ADGRG1: variants seen among roughly 807,000 people sequenced by gnomAD.
The protein encoded by ADGRG1 is adhesion G protein-coupled receptor G1.
In ADGRG1, 53 loss-of-function variants were observed where a neutral mutation model predicts 73.5. The ratio of observed to expected loss-of-function variants is 0.72; its 90% CI spans 0.58 to 0.91. ADGRG1 has a LOEUF of 0.91. ADGRG1 is among the 40% of genes least tolerant of loss of function. ADGRG1 has a pLI of 0.00. For synonymous variants in ADGRG1, 394 were observed against 374.4 expected (o/e 1.05, Z -0.60); for missense variants, 795 against 871.8 (o/e 0.91, Z 1.11).
chr16:57,657,210 C>A, intron 9 of ADGRG1, 163 bp from the exon 10 acceptor site: 1 of 466,362 alleles, frequency 2.1e-6, no homozygotes, highest in Non-Finnish European at 2.8e-6. Context: ...TGCCCCCACT[C>A]CAGAAAAATG....
chr16:57,639,442 T>G (rs1597241270), intron 1 of ADGRG1: 1 of 985,460 alleles, frequency 1.0e-6, no homozygotes, highest in Non-Finnish European at 1.2e-6. Flanking sequence ...CGCTGGCGGC[T>G]GGGGCTTCTC....
At chr16:57,654,410 C>T (rs1206107154) in intron 5 of ADGRG1, among the ~76,000 whole-genome samples, 2 of 25,684 alleles carry the variant, frequency 7.8e-5, no homozygotes, top group Non-Finnish European at 6.8e-5. Context: ...TGTCCACGCA[C>T]CCCCCCCCCC....
chr16:57,662,419 GC>G (rs1275718585), intron 13 of ADGRG1, among the ~76,000 whole-genome samples: 6 of 151,328 alleles, frequency 4.0e-5, no homozygotes, highest in Admixed American at 1.3e-4. Context: ...AGATGGGGGG[GC>G]CTCCCTACTC....
At chr16:57,661,215 G>T (rs1341051675) in intron 12 of ADGRG1, 3 of 877,878 alleles carry the variant, frequency 3.4e-6, no homozygotes, top group East Asian at 2.4e-4. Context: ...GAAGACAGAG[G>T]CTCAGGGAGG....
At chr16:57,635,336 A>G in intron 1 of ADGRG1, 2 of 985,272 alleles carry the variant, frequency 2.0e-6, no homozygotes, top group Non-Finnish European at 2.4e-6. Context: ...CTGTGTGCAC[A>G]CCTAGGGGAC....
intron 1 of ADGRG1, chr16:57,642,371 C>G (rs2041059411): frequency 1.0e-6 from 1 of 985,332 alleles, no homozygotes; most frequent in Non-Finnish European, 1.2e-6. Flanking sequence ...AGTGTCTCCT[C>G]TAGCTCATCT....
chr16:57,647,804 GGTCCCTTGTGTGT>G, intron 1 of ADGRG1: 1 of 978,258 alleles, frequency 1.0e-6, no homozygotes, highest in South Asian at 4.7e-5. Context: ...AGGGACAGTT[GGTCCCTTGTGTGT>G]GTCTGGATTT....
chr16:57,656,474 G>A (rs765683235), intron 8 of ADGRG1, 40 bp from the exon 9 acceptor site: 2 of 1,585,604 alleles, frequency 1.3e-6, no homozygotes, highest in Admixed American at 1.7e-5. Flanking sequence ...GGTCCTGGAG[G>A]ACTGGACTTG....
chr16:57,627,114 C>T, upstream of ADGRG1: 1 of 959,702 alleles, frequency 1.0e-6, no homozygotes. Context: ...TCCCTGCACC[C>T]CACGGGGTGG....
At chr16:57,652,457 G>A (rs950096060) in intron 3 of ADGRG1, among the ~76,000 whole-genome samples, 1 of 152,140 alleles carries the variant, frequency 6.6e-6, no homozygotes, top group Non-Finnish European at 1.5e-5. Context: ...CGTCAGTGGT[G>A]GGGGGTTCCC....
rs770003360 is a variant in ADGRG1, at chr16:57,656,623, G to A, written c.1167+6G>A. On this transcript the variant is annotated splice_donor_region_variant and intron_variant, in intron 9 of 13. Coordinates refer to ENST00000562631, the MANE Select transcript of ADGRG1 (RefSeq NM_201525.4). ...CCTACTTTGCAGTGCTGATGGTGAG[G>A]GTCCCTGCTCCCACCTCGCAGCCAC... 4.8e-5 allele frequency: 75 copies of A among 1,570,750 alleles called. No homozygotes were observed. The highest frequency in any genetic ancestry group is 5.3e-5 in the Non-Finnish European group (61 of 1,140,566).
rs2045586711 is a variant in ADGRG1 at position 57,655,881 on chromosome 16, G to C, written c.906G>C (p.Lys302Asn). The C allele has an allele frequency of 6.2e-7, 1 of 1,614,176 alleles. No individual in the cohort carries two copies. ...CTCCAACCCCATGTATCTAGGACAAGAATTCCAGCCAAGTCCTGGGTGAGA... is the reference window on the plus strand; with the variant it reads ...CTCCAACCCCATGTATCTAGGACAACAATTCCAGCCAAGTCCTGGGTGAGA... ...DFSSQALFQD[K>N]NSSQVLGEKV... The change falls in exon 7 of 14, where the codon AAG (lysine) becomes AAC (asparagine). Residue 302 changes from lysine to asparagine, a missense_variant. Physicochemically the swap from Lys to Asn is moderately conservative, Grantham distance 94 (BLOSUM62 0). Coordinates refer to ENST00000562631, the MANE Select transcript of ADGRG1 (RefSeq NM_201525.4).
chr16:57,664,420 T>G lies in ADGRG1; in HGVS notation c.*838T>G, dbSNP rs987643807. 6.6e-6 allele frequency: 1 copy of G among 152,362 alleles called. No homozygotes were observed. The highest frequency in any genetic ancestry group is 1.5e-5 in the Non-Finnish European group (1 of 68,174). 9.4% of individuals were successfully genotyped at this position (152,362 alleles called of 1,614,324 possible). A position where few individuals can be genotyped will look rare whatever the true frequency, so the allele number is the denominator to read the frequency against. The stretch of plus-strand genomic sequence containing the variant: ...CCCTCTGTCCATCTGGGCCTTTGTA[T>G]GAGCTGCATTGCCCTTGCTCACCCT... On this transcript the variant is annotated 3_prime_UTR_variant, in exon 14 of 14. Coordinates refer to ENST00000562631, the MANE Select transcript of ADGRG1 (RefSeq NM_201525.4).
At chr16:57,636,761 C>T (rs1163613261) in intron 1 of ADGRG1, 1 of 922,036 alleles carries the variant, frequency 1.1e-6, no homozygotes, top group Non-Finnish European at 1.3e-6. Context: ...TTCTATGGAC[C>T]AGGCACTGTG....
intron 1 of ADGRG1, chr16:57,635,657 G>A (rs574671386): frequency 2.5e-5 from 25 of 984,476 alleles, no homozygotes; most frequent in African/African-American, 7.0e-5. Flanking sequence ...TCCCTGGGCC[G>A]TGAGGCTTTG....
intron 2 of ADGRG1, chr16:57,621,860 G>A (rs2034887359): frequency 1.0e-6 from 1 of 985,350 alleles, no homozygotes; most frequent in Non-Finnish European, 1.2e-6. Flanking sequence ...GGGGATGCTG[G>A]TGACCCCATG....
chr16:57,651,035 CTGA>C, intron 2 of ADGRG1, 162 bp from the exon 3 acceptor site: 4 of 1,535,902 alleles, frequency 2.6e-6, no homozygotes, highest in Non-Finnish European at 3.5e-6. Context: ...TAGTTTGATG[CTGA>C]TAAGTTTTGA....
At chr16:57,647,834 TG>T in intron 1 of ADGRG1, 1 of 929,072 alleles carries the variant, frequency 1.1e-6, no homozygotes, top group Non-Finnish European at 1.3e-6. Flanking sequence ...ATTTCTTCCG[TG>T]GAACCCCATG....
intron 1 of ADGRG1, chr16:57,632,062 C>A: frequency 1.0e-6 from 1 of 985,460 alleles, no homozygotes; most frequent in Non-Finnish European, 1.2e-6. Flanking sequence ...CAGATTCTGC[C>A]AGGCCCTGGG....
Sources: allele counts gnomAD v4.1 joint callset (sites outside exome capture counted in the v4.1 genomes callset), GRCh38; gene constraint gnomAD v4.1.1; transcripts MANE v1.5; gene names NCBI Gene and HGNC (gene_info 2026-07-23, HGNC 2026-07-21).